Variants in KCNH1 observed in about 807,000 individuals in gnomAD.
KCNH1 encodes voltage-gated delayed rectifier potassium channel KCNH1.
Under a neutral mutation model 69.2 loss-of-function variants are expected in KCNH1, and 27 were observed. The observed-to-expected ratio is 0.39, with a 90% CI of 0.29 to 0.54. KCNH1 has a LOEUF of 0.54. Among genes scored for constraint, KCNH1 ranks in the 20% least tolerant of loss-of-function variants. KCNH1 has a pLI of 0.68. For synonymous variants in KCNH1, 456 were observed against 487.7 expected (o/e 0.93, Z 0.86); for missense variants, 798 against 1,261.6 (o/e 0.63, Z 5.57).
chr1:210,807,861 G>C (rs762402024), intron 7 of KCNH1, among the ~76,000 whole-genome samples: 2 of 152,148 alleles, frequency 1.3e-5, no homozygotes, highest in Admixed American at 1.3e-4. Flanking sequence ...AAAAATAAGA[G>C]AGAAATGCAT....
chr1:210,860,592 C>T, intron 7 of KCNH1: 1 of 851,680 alleles, frequency 1.2e-6, no homozygotes, highest in Admixed American at 1.7e-5. Context: ...AGATCATTTT[C>T]TGAATTACAT....
chr1:210,840,936 T>C (rs1271837840), intron 7 of KCNH1, among the ~76,000 whole-genome samples: 1 of 152,160 alleles, frequency 6.6e-6, no homozygotes, highest in Non-Finnish European at 1.5e-5. Flanking sequence ...ATTTGAATCT[T>C]GTATGGACCT....
chr1:210,723,550 C>G (rs558800804), intron 10 of KCNH1, among the ~76,000 whole-genome samples: 2 of 152,140 alleles, frequency 1.3e-5, no homozygotes, highest in African/African-American at 2.4e-5. Flanking sequence ...AGTTAGCAAC[C>G]CTGATGCCTT....
intron 7 of KCNH1, among the ~76,000 whole-genome samples, chr1:210,907,477 C>T (rs1427254054): frequency 6.6e-6 from 1 of 151,686 alleles, no homozygotes; most frequent in Admixed American, 6.6e-5. Context: ...CAGCCCCACC[C>T]AGTGTCTTCT....
intron 7 of KCNH1, among the ~76,000 whole-genome samples, chr1:210,817,408 G>A (rs1411268415): frequency 6.6e-6 from 1 of 152,126 alleles, no homozygotes; most frequent in Non-Finnish European, 1.5e-5. Flanking sequence ...TCATGTATGA[G>A]TCATTGTTCT....
At chr1:210,721,631 GCTT>G in intron 10 of KCNH1, among the ~76,000 whole-genome samples, 1 of 152,164 alleles carries the variant, frequency 6.6e-6, no homozygotes, top group East Asian at 1.9e-4. Context: ...GCCCCTTGCT[GCTT>G]TTTTGAGACA....
rs114047689 is a variant in KCNH1 at position 210,952,574 on chromosome 1, G to A, written c.1033-32505C>T. On this transcript the variant is annotated intron_variant, in intron 6 of 10. Coordinates refer to ENST00000271751, the MANE Select transcript of KCNH1 (RefSeq NM_172362.3). ...AAGATTAAAGTGTGTCATTTCTGTT[G>A]CCCTCTAACAATCATTTTCAACATT... is the stretch of plus-strand genomic sequence containing the variant. Among the ~76,000 whole-genome samples, 453 of 152,086 alleles carry A rather than the reference G, an allele frequency of 3.0e-3. 4 individuals carry two copies. Among genetic ancestry groups the A allele is most frequent in the African/African-American group, 0.01 (435 of 41,480 alleles).
intron 6 of KCNH1, among the ~76,000 whole-genome samples, chr1:210,959,026 G>GAAA (rs1198317020): frequency 6.6e-6 from 1 of 152,146 alleles, no homozygotes; most frequent in African/African-American, 2.4e-5. Context: ...TTTCTGCTCT[G>GAAA]GTTTCTCCCC....
intron 9 of KCNH1, among the ~76,000 whole-genome samples, chr1:210,782,763 C>T (rs1361311394): frequency 6.6e-6 from 1 of 152,100 alleles, no homozygotes; most frequent in African/African-American, 2.4e-5. Context: ...GATTAGTGCC[C>T]TTATAAAAGA....
In KCNH1 at chr1:210,683,521, G is replaced by T. The variant is rs1313565530; in HGVS notation, c.2730C>A (p.Val910=). Reference sequence around the variant, plus strand: ...CAGGGATGGGGTAGAACGAATGCTTGACCTCTGCCAGGATGGGACTCCGAT... The same window carrying T: ...CAGGGATGGGGTAGAACGAATGCTTTACCTCTGCCAGGATGGGACTCCGAT... ...PQDRSPILAE[V]KHSFYPIPEQ... Residue 910 remains valine (V), a synonymous_variant, in exon 11 of 11, where the codon GTC becomes GTA. Transcript: ENST00000271751. The surrounding 1 kb of genome is among the most constrained non-coding windows in gnomAD (Gnocchi z 5.7). 6.2e-7 allele frequency: 1 copy of T among 1,614,112 alleles called. No homozygotes were observed. Among genetic ancestry groups the T allele is most frequent in the East Asian group, 2.2e-5 (1 of 44,870 alleles).
intron 5 of KCNH1, among the ~76,000 whole-genome samples, chr1:211,069,160 T>C (rs924383645): frequency 1.7e-4 from 26 of 152,294 alleles, no homozygotes; most frequent in Non-Finnish European, 3.1e-4. Flanking sequence ...CAGCCAGCTC[T>C]AGCCACCCTG....
At chr1:211,083,301 C>A (rs1480178358) in intron 4 of KCNH1, among the ~76,000 whole-genome samples, 1 of 152,186 alleles carries the variant, frequency 6.6e-6, no homozygotes, top group African/African-American at 2.4e-5. Flanking sequence ...TCAGGCTGTT[C>A]CCAGTCCCCA....
At chr1:211,012,431 G>T (rs1689410712) in intron 6 of KCNH1, among the ~76,000 whole-genome samples, 1 of 152,002 alleles carries the variant, frequency 6.6e-6, no homozygotes, top group Non-Finnish European at 1.5e-5. Flanking sequence ...AATAAATCAT[G>T]GTACATCCAT....
intron 6 of KCNH1, among the ~76,000 whole-genome samples, chr1:210,930,237 A>G (rs1012578982): frequency 6.6e-6 from 1 of 152,216 alleles, no homozygotes; most frequent in Non-Finnish European, 1.5e-5. Flanking sequence ...AAGACTAAGC[A>G]AAAAGAACAA....
intron 5 of KCNH1, among the ~76,000 whole-genome samples, chr1:211,028,483 A>T (rs1397642587): frequency 2.0e-5 from 3 of 151,924 alleles, no homozygotes; most frequent in Non-Finnish European, 2.9e-5. Context: ...TAAAAACAGG[A>T]AAACAAGAGG....
At chr1:210,959,521 C>T (rs1409528678) in intron 6 of KCNH1, among the ~76,000 whole-genome samples, 1 of 152,234 alleles carries the variant, frequency 6.6e-6, no homozygotes, top group African/African-American at 2.4e-5. Flanking sequence ...GCCCTGTCCA[C>T]AGAGGTGGAG....
chr1:210,792,591 TA>T (rs11306337), intron 9 of KCNH1, among the ~76,000 whole-genome samples: 31,329 of 151,828 alleles, frequency 0.21, 3,827 homozygotes, highest in African/African-American at 0.35. Flanking sequence ...AGTAAGGAGT[TA>T]AGAGTAGAAC....
chr1:210,910,539 C>T (rs915694111), intron 7 of KCNH1, among the ~76,000 whole-genome samples: 1 of 152,234 alleles, frequency 6.6e-6, no homozygotes, highest in African/African-American at 2.4e-5. Flanking sequence ...GTCCCTGCAC[C>T]AGTGCCCTGT....
intron 5 of KCNH1, among the ~76,000 whole-genome samples, chr1:211,037,578 C>G (rs1006879338): frequency 6.7e-6 from 1 of 149,504 alleles, no homozygotes; most frequent in Admixed American, 6.7e-5. Context: ...TAGCAACATG[C>G]CTTCCTGTCA....
Sources: allele counts gnomAD v4.1 joint callset (sites outside exome capture counted in the v4.1 genomes callset), GRCh38; gene constraint gnomAD v4.1.1; non-coding constraint Gnocchi (gnomAD v3.1); transcripts MANE v1.5; gene names NCBI Gene and HGNC (gene_info 2026-07-23, HGNC 2026-07-21).